The following HUWE1 variants were observed in gnomAD, a reference collection of about 807,000 sequenced individuals.
The protein encoded by HUWE1 is E3 ubiquitin-protein ligase HUWE1.
A neutral mutation model predicts 299.4 loss-of-function variants in HUWE1; 18 were observed. The observed-to-expected ratio is 0.06, with a 90% CI of 0.04 to 0.09. The LOEUF is 0.09. Ranked by LOEUF, HUWE1 falls within the 10% of genes least tolerant of loss-of-function variation. The pLI is 1.00. For missense variants in HUWE1, 1,832 were observed against 3,462.3 expected (o/e 0.53, Z 11.82); for synonymous variants, 1,317 against 1,286.1 (o/e 1.02, Z -0.51).
rs1556948092 is a variant in HUWE1 at position 53,568,889 on chromosome X, T to C, written c.6525-15A>G. 2.6e-6 allele frequency: 3 copies of C among 1,169,650 alleles called. No homozygotes were observed. Among genetic ancestry groups the C allele is most frequent in the African/African-American group, 1.8e-5 (1 of 56,295 alleles). On this transcript the variant is annotated splice_polypyrimidine_tract_variant and intron_variant, in intron 48 of 83. Coordinates refer to ENST00000262854, the MANE Select transcript of HUWE1 (RefSeq NM_031407.7). ...CTGCCTGAAGCCTGGGAGAGAAGTT[T>C]TGACATCTCTATCATATGAATATAG...
At chrX:53,671,557 G>A (rs782489534) in intron 3 of HUWE1, among the ~76,000 whole-genome samples, 1 of 111,192 alleles carries the variant, frequency 9.0e-6, no homozygotes, top group Non-Finnish European at 1.9e-5. Flanking sequence ...TTGGGAGGCC[G>A]AGGCGGGCGG....
intron 19 of HUWE1, among the ~76,000 whole-genome samples, chrX:53,617,795 C>T (rs1463159665): frequency 1.8e-5 from 2 of 111,854 alleles, no homozygotes; most frequent in Non-Finnish European, 3.8e-5. Flanking sequence ...AATGCATGTA[C>T]CACATGTATA....
intron 60 of HUWE1, chrX:53,556,113 TCAC>T (rs2147463603): frequency 6.4e-6 from 2 of 312,977 alleles, no homozygotes; most frequent in South Asian, 3.0e-5. Flanking sequence ...GACATCTGCC[TCAC>T]CCTAAACACC....
rs2067975414 is a variant in HUWE1 at position 53,645,739 on chromosome X, AT to A, written c.352-277del. On this transcript the variant is annotated intron_variant, in intron 6 of 83. Coordinates refer to ENST00000262854, the MANE Select transcript of HUWE1 (RefSeq NM_031407.7). ...AAAAAAGAAAAAAAAAAAAAAAAATATATATATATATATATATATATATATA... is the reference window on the plus strand; with the variant it reads ...AAAAAAGAAAAAAAAAAAAAAAAATAATATATATATATATATATATATATA... Among the ~76,000 whole-genome samples, 8 of 19,935 alleles carry A rather than the reference AT, an allele frequency of 4.0e-4. 1 individual carries two copies. Among genetic ancestry groups the A allele is most frequent in the South Asian group, 3.4e-3 (1 of 294 alleles). 17.3% of individuals were successfully genotyped at this position (19,935 alleles called of 115,157 possible).
At chrX:53,563,212 A>G (rs183830039) in intron 52 of HUWE1, among the ~76,000 whole-genome samples, 12 of 112,177 alleles carry the variant, frequency 1.1e-4, no homozygotes, top group African/African-American at 3.2e-4. Context: ...AAGCTTTGTA[A>G]AACTTAAGAA....
intron 26 of HUWE1, 126 bp downstream of exon 26, chrX:53,604,463 T>C (rs76706369): frequency 0.025 from 19,122 of 756,462 alleles, 241 homozygotes; most frequent in Non-Finnish European, 0.033. Flanking sequence ...TCATCCTAAA[T>C]TGGACTGTTC....
Position 53,554,715 on chromosome X carries a change from T to C in HUWE1, c.8412A>G (p.Val2804=), listed in dbSNP as rs1556932533. ...TTGTGGGACCCAATTCCTCTGGCTC[T>C]ACAGGCATCAATAGCTGTGTAGAGC... The part of the protein sequence containing the change: ...GGSSTQLLMP[V]EPEELGPTRP... Residue 2804 remains valine (V), a synonymous_variant, in exon 61 of 84, where the codon GTA becomes GTG. Coordinates refer to ENST00000262854, the MANE Select transcript of HUWE1 (RefSeq NM_031407.7). The C allele has an allele frequency of 1.7e-6, 2 of 1,209,255 alleles. No individual in the cohort carries two copies. Among genetic ancestry groups the C allele is most frequent in the Admixed American group, 4.4e-5 (2 of 45,684 alleles).
chrX:53,614,490 G>T, intron 23 of HUWE1, 44 bp downstream of exon 23: 1 of 982,454 alleles, frequency 1.0e-6, no homozygotes, highest in Non-Finnish European at 1.5e-6. Context: ...GTGATAACAT[G>T]CCCACGATTA....
At chrX:53,540,023 G>A (rs1423681179) in intron 74 of HUWE1, among the ~76,000 whole-genome samples, 3 of 112,092 alleles carry the variant, frequency 2.7e-5, no homozygotes, top group Non-Finnish European at 5.6e-5. Context: ...AATGAATCTG[G>A]TTCCTCAGTT....
At chrX:53,567,065 A>G (rs1556946589) in intron 49 of HUWE1, among the ~76,000 whole-genome samples, 1 of 111,973 alleles carries the variant, frequency 8.9e-6, no homozygotes, top group Non-Finnish European at 1.9e-5. Context: ...TTATTATATT[A>G]TTGGTAAATT....
chrX:53,548,879 C>G (rs1243909416), intron 67 of HUWE1, 80 bp downstream of exon 67: 2 of 839,253 alleles, frequency 2.4e-6, no homozygotes, highest in East Asian at 3.4e-5. Flanking sequence ...GACACGCTAG[C>G]CTGCTTAGTG....
intron 7 of HUWE1, among the ~76,000 whole-genome samples, chrX:53,642,011 C>CCA (rs1265473820): frequency 1.3e-4 from 14 of 110,360 alleles, no homozygotes; most frequent in Middle Eastern, 9.3e-3. Context: ...TATAATACAC[C>CCA]CACACACACA....
At position 53,593,490 on chromosome X, in the gene HUWE1, C is replaced by T. The variant is rs1556981433; in HGVS notation, c.3615G>A (p.Leu1205=). Residue 1205 remains leucine, a synonymous_variant, in exon 32 of 84, where the codon CTG becomes CTA. Transcript: ENST00000262854. ...TGGTGGGATTCACCATCTTCTCCAC[C>T]AGCATAAGCCAGGCATCTAGGAATT... The part of the protein sequence containing the change: ...TGEFLDAWLM[L]VEKMVNPTTV... 3 of 1,210,132 alleles carry T rather than the reference C, an allele frequency of 2.5e-6. No individual in the cohort carries two copies. The East Asian group carries it at 8.9e-5, about 36-fold the overall frequency.
intron 55 of HUWE1, 83 bp downstream of exon 55, chrX:53,561,673 C>G: frequency 8.4e-7 from 1 of 1,188,195 alleles, no homozygotes. Context: ...TGTATCGGAT[C>G]GGTTTGGTCC....
Position 53,645,441 on chromosome X carries a change from G to A in HUWE1, c.374C>T (p.Ser125Phe), listed in dbSNP as rs782566501. Residue 125 changes from serine (S) to phenylalanine (F), a missense_variant, in exon 7 of 84, where the codon TCC (serine) becomes TTC (phenylalanine). By Grantham distance (155) the Ser-to-Phe change is radical (BLOSUM62 -2). Around this residue, in one of 15 missense-constraint regions of HUWE1, gnomAD observed 658 missense variants for 1,282.6 expected, o/e 0.51. Transcript: ENST00000262854. Reference sequence around the variant, plus strand: ...TGCCAGCACCACTTGCATATCAGAGGAAGCCAATAAAGTTGTCAAATGCTA... The same window carrying A: ...TGCCAGCACCACTTGCATATCAGAGAAAGCCAATAAAGTTGTCAAATGCTA... ...SIEHLTTLLA[S>F]SDMQVVLAVL... 1.7e-6 allele frequency: 2 copies of A among 1,210,223 alleles called. No homozygotes were observed. The highest frequency in any genetic ancestry group is 2.2e-6 in the Non-Finnish European group (2 of 895,029).
At chrX:53,616,592 T>C (rs1301787643) in intron 21 of HUWE1, among the ~76,000 whole-genome samples, 2 of 111,522 alleles carry the variant, frequency 1.8e-5, no homozygotes, top group Admixed American at 9.5e-5. Context: ...TCAAGTATAC[T>C]GAGTAAAAAA....
Position 53,550,722 on chromosome X carries a change from G to C in HUWE1, c.9432C>G (p.Arg3144=), listed in dbSNP as rs76351631. Residue 3144 remains arginine (R), a synonymous_variant, in exon 66 of 84, where the codon CGC becomes CGG. Coordinates refer to ENST00000262854, the MANE Select transcript of HUWE1 (RefSeq NM_031407.7). Reference sequence around the variant, plus strand: ...AGGTGCCACCTCTCTGCACAGCAAGGCGAGTATACTGGACCCCACGGTTGC... The same window carrying C: ...AGGTGCCACCTCTCTGCACAGCAAGCCGAGTATACTGGACCCCACGGTTGC... ...LSGNRGVQYT[R]LAVQRGGTFQ... 3.6e-4 allele frequency: 433 copies of C among 1,210,102 alleles called. 3 individuals carry two copies. The East Asian group carries it at 0.011, about 31-fold the overall frequency.
chrX:53,604,350 C>G (rs2065046193), intron 26 of HUWE1, among the ~76,000 whole-genome samples: 1 of 111,706 alleles, frequency 9.0e-6, no homozygotes, highest in African/African-American at 3.3e-5. Flanking sequence ...GATGAATACC[C>G]AATTGATGTT....
At chrX:53,684,291 T>C (rs1482689800) in intron 2 of HUWE1, 1 of 132,796 alleles carries the variant, frequency 7.5e-6, no homozygotes, top group African/African-American at 3.1e-5. Flanking sequence ...TTAGGAAACA[T>C]GAGATATCGC....
Sources: allele counts gnomAD v4.1 joint callset (sites outside exome capture counted in the v4.1 genomes callset), GRCh38; gene constraint gnomAD v4.1.1; regional missense constraint gnomAD v4.1.1; transcripts MANE v1.5; gene names NCBI Gene and HGNC (gene_info 2026-07-23, HGNC 2026-07-21).